ABHD12: variants seen among roughly 807,000 people sequenced by gnomAD.
The protein encoded by ABHD12 is abhydrolase domain containing 12, lysophospholipase, also known as lysophosphatidylserine lipase ABHD12.
Under a neutral mutation model 58.3 loss-of-function variants are expected in ABHD12, and 43 were observed. That is an observed-to-expected ratio of 0.74 (90% CI 0.58 to 0.95). The LOEUF is 0.95. Among genes scored for constraint, ABHD12 ranks in the 40% least tolerant of loss-of-function variants. The pLI is 0.00. For synonymous variants in ABHD12, 219 were observed against 211.2 expected (o/e 1.04, Z -0.32); for missense variants, 539 against 537.2 (o/e 1.00, Z -0.03).
chr20:25,388,073 C>G (rs1831980876), intron 1 of ABHD12, among the ~76,000 whole-genome samples: 2 of 106,406 alleles, frequency 1.9e-5, no homozygotes, highest in South Asian at 5.9e-4. Flanking sequence ...AATCCTTCAT[C>G]CTACAAAAAA....
chr20:25,311,203 A>G (rs1197142204), intron 6 of ABHD12, among the ~76,000 whole-genome samples: 5 of 152,208 alleles, frequency 3.3e-5, no homozygotes, highest in African/African-American at 1.2e-4. Context: ...TATGGAAGGA[A>G]TGAAAGCTAC....
chr20:25,390,575 C>A lies in ABHD12; in HGVS notation c.129G>T (p.Thr43=), dbSNP rs757700898. Residue 43 remains threonine (T), a synonymous_variant, in exon 1 of 13, where the codon ACG becomes ACT. Coordinates refer to ENST00000339157, the MANE Select transcript of ABHD12 (RefSeq NM_001042472.3). ...AGCGCGGCTCAGCCGCCGCCGGGCC[C>A]GTCAGGCGTAGGTTCTGCTTCAGGC... The part of the protein sequence containing the change: ...DCRLKQNLRL[T]GPAAAEPRCA... 2.0e-6 allele frequency: 3 copies of A among 1,479,618 alleles called. No homozygotes were observed. The highest frequency in any genetic ancestry group is 2.7e-6 in the Non-Finnish European group (3 of 1,122,196). The allele number at this position is 1,479,618 out of a possible 1,614,324, so 91.7% of individuals were successfully genotyped here. A position where few individuals can be genotyped will look rare whatever the true frequency, so the allele number is the denominator to read the frequency against.
rs371296840 is a variant in ABHD12 at position 25,321,404 on chromosome 20, T to C, written c.423-1086A>G. Among the ~76,000 whole-genome samples, 20 of 152,334 alleles carry C rather than the reference T, an allele frequency of 1.3e-4. 1 individual carries two copies. In the East Asian group the frequency reaches 2.7e-3, roughly 21 times the overall value. Reference sequence around the variant, plus strand: ...TCCACTCTAGGCCTTGAGGCCCTCCTTTCAGGAAGCTGGTGGGAGGGTCTG... The same window carrying C: ...TCCACTCTAGGCCTTGAGGCCCTCCCTTCAGGAAGCTGGTGGGAGGGTCTG... On this transcript the variant is annotated intron_variant, in intron 3 of 12. Coordinates refer to ENST00000339157, the MANE Select transcript of ABHD12 (RefSeq NM_001042472.3).
intron 1 of ABHD12, among the ~76,000 whole-genome samples, chr20:25,349,290 GAATA>G (rs1164562194): frequency 6.6e-6 from 1 of 152,048 alleles, no homozygotes; most frequent in Admixed American, 6.6e-5. Flanking sequence ...AATCAGGTAG[GAATA>G]TAAAATAGTC....
intron 3 of ABHD12, among the ~76,000 whole-genome samples, chr20:25,322,504 C>T (rs117385762): frequency 0.014 from 2,080 of 148,846 alleles, 15 homozygotes; most frequent in Middle Eastern, 0.021. Flanking sequence ...CTCAAACTCC[C>T]GGGTAGCTGG....
At chr20:25,311,974 CT>C (rs1485714566) in intron 6 of ABHD12, among the ~76,000 whole-genome samples, 42 of 152,166 alleles carry the variant, frequency 2.8e-4, no homozygotes, top group African/African-American at 1.0e-3. Context: ...TCCCAAAGTG[CT>C]GGGATTACAG....
At position 25,309,023 on chromosome 20, in the gene ABHD12, G is replaced by A. The variant is rs191305257; in HGVS notation, c.749+423C>T. Among the ~76,000 whole-genome samples the A allele has an allele frequency of 2.0e-5, 3 of 152,348 alleles. No individual in the cohort carries two copies. The East Asian group carries it at 5.8e-4, about 29-fold the overall frequency. On this transcript the variant is annotated intron_variant, in intron 7 of 12. Coordinates refer to ENST00000339157, the MANE Select transcript of ABHD12 (RefSeq NM_001042472.3). ...AATGGCAGTGAAGGTCTGGGGACTGGGGCCCTGAGAGCAGAGGTTCCCGCA... is the reference window on the plus strand; with the variant it reads ...AATGGCAGTGAAGGTCTGGGGACTGAGGCCCTGAGAGCAGAGGTTCCCGCA...
At chr20:25,296,618 C>T (rs202155672), downstream of ABHD12, 5 of 1,453,704 alleles carry the variant, frequency 3.4e-6, no homozygotes, top group Admixed American at 6.0e-5. Context: ...ACTGGTGGTC[C>T]CTGCTTTTCT....
At chr20:25,390,445 T>C (rs1290462284) in intron 1 of ABHD12, 68 bp downstream of exon 1, 10 of 1,310,296 alleles carry the variant, frequency 7.6e-6, no homozygotes, top group Non-Finnish European at 9.7e-6. Context: ...CGCGGCCCCC[T>C]GCGGGACGCA....
chr20:25,380,790 T>G (rs1331486663), intron 1 of ABHD12, among the ~76,000 whole-genome samples: 1 of 152,184 alleles, frequency 6.6e-6, no homozygotes, highest in Non-Finnish European at 1.5e-5. Context: ...AGGTACCACC[T>G]GTCACAGCCA....
intron 2 of ABHD12, among the ~76,000 whole-genome samples, chr20:25,323,818 A>C (rs1394757850): frequency 2.0e-5 from 3 of 152,186 alleles, no homozygotes; most frequent in Non-Finnish European, 4.4e-5. Context: ...GCCAGCCAGG[A>C]GGGAGGCTGG....
rs1252939196 is a variant in ABHD12 at position 25,390,669 on chromosome 20, T to A, written c.35A>T (p.His12Leu). The stretch of plus-strand genomic sequence containing the variant: ...CGAGCCCGCGGCGGCGCAGCGCTCA[T>A]GCTCCAAGGCGACGGGCTCGGTCCG... ...RKRTEPVALE[H>L]ERCAAAGSSS... is the part of the protein sequence containing the mutation. Residue 12 changes from histidine (H) to leucine (L), a missense_variant, in exon 1 of 13, where the codon CAT becomes CTT. Coordinates refer to ENST00000339157, the MANE Select transcript of ABHD12 (RefSeq NM_001042472.3). The A allele has an allele frequency of 4.2e-6, 6 of 1,433,968 alleles. No homozygotes were observed. Among genetic ancestry groups the A allele is most frequent in the Non-Finnish European group, 5.5e-6 (6 of 1,096,630 alleles). 88.8% of individuals were successfully genotyped at this position (1,433,968 alleles called of 1,614,324 possible). A position where few individuals can be genotyped will look rare whatever the true frequency, so the allele number is the denominator to read the frequency against.
intron 2 of ABHD12, among the ~76,000 whole-genome samples, chr20:25,335,109 G>GA (rs1362575326): frequency 2.6e-5 from 4 of 151,158 alleles, no homozygotes; most frequent in Admixed American, 6.6e-5. Flanking sequence ...AAATTTACAA[G>GA]AAAAAAACAA....
At chr20:25,381,106 C>T (rs1300717746) in intron 1 of ABHD12, among the ~76,000 whole-genome samples, 3 of 152,108 alleles carry the variant, frequency 2.0e-5, no homozygotes, top group East Asian at 1.9e-4. Flanking sequence ...GCTTGCCCAC[C>T]GCAGTCTGTG....
In ABHD12 at chr20:25,321,638, T is replaced by C. The variant is rs1008780315; in HGVS notation, c.423-1320A>G. On this transcript the variant is annotated intron_variant, in intron 3 of 12. Coordinates refer to ENST00000339157, the MANE Select transcript of ABHD12 (RefSeq NM_001042472.3). Reference sequence around the variant, plus strand: ...CAAAACCTTTTCTGGTAGCTGATAATGTATGCAGGAGTTGTTAGTACTTCC... The same window carrying C: ...CAAAACCTTTTCTGGTAGCTGATAACGTATGCAGGAGTTGTTAGTACTTCC... Among the ~76,000 whole-genome samples, 7 of 152,354 alleles carry C rather than the reference T, an allele frequency of 4.6e-5. No individual in the cohort carries two copies. In the East Asian group the frequency reaches 1.2e-3, roughly 25 times the overall value.
chr20:25,339,850 G>A (rs1168974244), intron 1 of ABHD12: 29 of 1,028,828 alleles, frequency 2.8e-5, no homozygotes, highest in Non-Finnish European at 3.3e-5. Context: ...GAGAGCAGGA[G>A]GCTAAGAACT....
At chr20:25,330,631 T>C (rs145192135) in intron 2 of ABHD12, among the ~76,000 whole-genome samples, 121 of 152,312 alleles carry the variant, frequency 7.9e-4, no homozygotes, top group Admixed American at 2.3e-3. Context: ...ACGGGCAGAA[T>C]GCCTCCTCAA....
chr20:25,332,106 G>C (rs1298613745), intron 2 of ABHD12, among the ~76,000 whole-genome samples: 2 of 152,124 alleles, frequency 1.3e-5, no homozygotes, highest in East Asian at 3.9e-4. Context: ...AAAGGATGGA[G>C]GAAGATCTAC....
At chr20:25,360,227 C>CTTTTTTTTTTTTTTTTTTTTT (rs576215687) in intron 1 of ABHD12, among the ~76,000 whole-genome samples, 1 of 37,392 alleles carries the variant, frequency 2.7e-5, no homozygotes. Flanking sequence ...GAACACGTTA[C>CTTTTTTTTTTTTTTTTTTTTT]TTTTTTTTTT....
Sources: allele counts gnomAD v4.1 joint callset (sites outside exome capture counted in the v4.1 genomes callset), GRCh38; gene constraint gnomAD v4.1.1; transcripts MANE v1.5; gene names NCBI Gene and HGNC (gene_info 2026-07-23, HGNC 2026-07-21).